The following NUMB variants were observed in gnomAD, a reference collection of about 807,000 sequenced individuals.
NUMB encodes the protein protein numb homolog.
NUMB carries 29 observed loss-of-function variants against 59.7 expected under a neutral mutation model. The ratio of observed to expected loss-of-function variants is 0.49; its 90% CI spans 0.36 to 0.66. The LOEUF is 0.66. Ranked by LOEUF, NUMB falls within the 30% of genes least tolerant of loss-of-function variation. The probability of loss-of-function intolerance (pLI) is 0.00; values close to 1 mark genes in which losing one functional copy is unlikely to be tolerated. For missense variants in NUMB, 723 were observed against 822.0 expected, an observed-to-expected ratio of 0.88 and a Z score of 1.47; for synonymous variants, 288 against 288.2, an observed-to-expected ratio of 1.00 and a Z score of 0.01.
chr14:73,420,792 A>C (rs1296449147), intron 1 of NUMB, among the ~76,000 whole-genome samples: 1 of 152,116 alleles, frequency 6.6e-6, no homozygotes, highest in East Asian at 1.9e-4. Context: ...ATTATTATGG[A>C]AATAGACACT....
chr14:73,443,626 G>A (rs1460616778), intron 1 of NUMB, among the ~76,000 whole-genome samples: 1 of 151,510 alleles, frequency 6.6e-6, no homozygotes, highest in African/African-American at 2.4e-5. Flanking sequence ...GAAAAAACAG[G>A]CTGAGAGGAT....
Position 73,292,890 on chromosome 14 carries a change from C to T in NUMB, c.310-16G>A. 6.2e-7 allele frequency: 1 copy of T among 1,613,374 alleles called. No homozygotes were observed. Among genetic ancestry groups the T allele is most frequent in the Admixed American group, 1.7e-5 (1 of 59,868 alleles). ...CTATGAGGTCCTAGAAAATACGACACACAAAGAAAGAGAAGACTTATGAGG... is the reference window on the plus strand; with the variant it reads ...CTATGAGGTCCTAGAAAATACGACATACAAAGAAAGAGAAGACTTATGAGG... On this transcript the variant is annotated splice_polypyrimidine_tract_variant and intron_variant, in intron 7 of 12. Transcript: ENST00000555238.
At chr14:73,422,936 C>A (rs566645831) in intron 1 of NUMB, among the ~76,000 whole-genome samples, 6 of 150,002 alleles carry the variant, frequency 4.0e-5, no homozygotes, top group Admixed American at 2.0e-4. Flanking sequence ...CTGTTATATT[C>A]CCAGATGTTA....
rs748906347 is a variant in NUMB, at chr14:73,276,909, G to A, written c.1625C>T (p.Ala542Val). 19 of 1,614,022 alleles carry A rather than the reference G, an allele frequency of 1.2e-5. No homozygotes were observed. Among genetic ancestry groups the A allele is most frequent in the Non-Finnish European group, 1.6e-5 (19 of 1,180,020 alleles). ...SQMVANVFGT[A>V]GHPQAAHPHQ... ...GGGATGGGCAGCCTGAGGGTGGCCTGCAGTGCCAAATACGTTGGCCACCAT... is the reference window on the plus strand; with the variant it reads ...GGGATGGGCAGCCTGAGGGTGGCCTACAGTGCCAAATACGTTGGCCACCAT... The change falls in exon 13 of 13, where the codon GCA (alanine) becomes GTA (valine). Residue 542 changes from alanine to valine, a missense_variant. Coordinates refer to ENST00000555238, the MANE Select transcript of NUMB (RefSeq NM_001005743.2).
chr14:73,319,619 T>C (rs1359089912), intron 5 of NUMB, among the ~76,000 whole-genome samples: 1 of 152,186 alleles, frequency 6.6e-6, no homozygotes, highest in African/African-American at 2.4e-5. Context: ...ACAATATAAG[T>C]ATCTGGCAAA....
intron 1 of NUMB, among the ~76,000 whole-genome samples, chr14:73,412,186 T>C (rs1483873829): frequency 6.6e-6 from 1 of 152,092 alleles, no homozygotes; most frequent in Non-Finnish European, 1.5e-5. Context: ...CTCAAACTGC[T>C]GTTTACAGGC....
intron 2 of NUMB, among the ~76,000 whole-genome samples, chr14:73,406,418 A>G (rs1466353989): frequency 6.6e-6 from 1 of 152,096 alleles, no homozygotes; most frequent in Non-Finnish European, 1.5e-5. Flanking sequence ...TACAAAGGAC[A>G]TGAACTCATC....
At chr14:73,342,124 T>C (rs1427835759) in intron 4 of NUMB, among the ~76,000 whole-genome samples, 3 of 152,224 alleles carry the variant, frequency 2.0e-5, no homozygotes, top group Non-Finnish European at 2.9e-5. Context: ...CTCAAACCCC[T>C]GGGCCCAAGT....
rs528605291 is a variant in NUMB at position 73,422,761 on chromosome 14, G to A, written c.-232-12693C>T. On this transcript the variant is annotated intron_variant, in intron 1 of 12. Transcript: ENST00000555238. ...CTGAGCAAGACTCATTTATCACCAA[G>A]GAGATAATGGTAAATCATTCATGAG... 2.6e-5 allele frequency among the ~76,000 whole-genome samples: 4 copies of A among 152,142 alleles called. No homozygotes were observed. In the East Asian group the frequency reaches 7.7e-4, roughly 29 times the overall value.
chr14:73,439,510 C>CTG (rs1461281949), intron 1 of NUMB, among the ~76,000 whole-genome samples: 6 of 151,956 alleles, frequency 3.9e-5, no homozygotes, highest in African/African-American at 1.5e-4. Context: ...CCATTTCTAA[C>CTG]CTTCAGTTAG....
chr14:73,337,970 C>T (rs1019481522), intron 4 of NUMB, among the ~76,000 whole-genome samples: 1 of 152,168 alleles, frequency 6.6e-6, no homozygotes, highest in South Asian at 2.1e-4. Flanking sequence ...GAACTCCACC[C>T]TTCCAATTGC....
intron 7 of NUMB, among the ~76,000 whole-genome samples, chr14:73,294,950 T>TTAAAAAAAAAAAAAA (rs1419411157): frequency 4.1e-5 from 1 of 24,386 alleles, no homozygotes; most frequent in Admixed American, 7.8e-4. Flanking sequence ...AACCCATCTC[T>TTAAAAAAAAAAAAAA]AAAAAAAAAA....
intron 9 of NUMB, 53 bp from the exon 10 acceptor site, chr14:73,284,427 G>T: frequency 6.6e-7 from 1 of 1,504,262 alleles, no homozygotes; most frequent in Non-Finnish European, 9.0e-7. Context: ...AATAATTTGC[G>T]TTTAGAGAGC....
chr14:73,370,685 T>G (rs1442852145), intron 2 of NUMB, among the ~76,000 whole-genome samples: 1 of 149,206 alleles, frequency 6.7e-6, no homozygotes, highest in African/African-American at 2.5e-5. Flanking sequence ...AGAGTGAAAC[T>G]CCGCCTCAAA....
chr14:73,361,014 G>A (rs976320013), intron 3 of NUMB, among the ~76,000 whole-genome samples: 2 of 151,902 alleles, frequency 1.3e-5, no homozygotes, highest in African/African-American at 2.4e-5. Flanking sequence ...TCAGCCTCCC[G>A]AGTAGCTGGA....
chr14:73,412,375 C>T (rs1896935979), intron 1 of NUMB, among the ~76,000 whole-genome samples: 1 of 152,062 alleles, frequency 6.6e-6, no homozygotes, highest in Admixed American at 6.6e-5. Flanking sequence ...CGCTTGTAAT[C>T]CCAGCACTTT....
chr14:73,419,523 A>T (rs1365014266), intron 1 of NUMB, among the ~76,000 whole-genome samples: 1 of 152,146 alleles, frequency 6.6e-6, no homozygotes, highest in Non-Finnish European at 1.5e-5. Flanking sequence ...TAAATAAATA[A>T]ATAAATGAAT....
At chr14:73,305,761 T>C (rs1035003666) in intron 6 of NUMB, among the ~76,000 whole-genome samples, 1 of 152,224 alleles carries the variant, frequency 6.6e-6, no homozygotes, top group African/African-American at 2.4e-5. Context: ...TTCCTTCAGC[T>C]ACAAACCAAA....
rs1893686705 is a variant in NUMB at position 73,354,800 on chromosome 14, C to A, written c.126+826G>T. Among the ~76,000 whole-genome samples, 3 of 114,132 alleles carry A rather than the reference C, an allele frequency of 2.6e-5. No individual in the cohort carries two copies. The South Asian group carries it at 8.2e-4, about 31-fold the overall frequency. 74.9% of individuals were successfully genotyped at this position (114,132 alleles called of 152,430 possible). A position where few individuals can be genotyped will look rare whatever the true frequency, so the allele number is the denominator to read the frequency against. ...TTGAGATCATGCCACTGCACTCCAG[C>A]CTGTGCTATGGAGACAGACTGTGCC... is the stretch of plus-strand genomic sequence containing the variant. On this transcript the variant is annotated intron_variant, in intron 4 of 12. Coordinates refer to ENST00000555238, the MANE Select transcript of NUMB (RefSeq NM_001005743.2).
Sources: allele counts gnomAD v4.1 joint callset (sites outside exome capture counted in the v4.1 genomes callset), GRCh38; gene constraint gnomAD v4.1.1; transcripts MANE v1.5; gene names NCBI Gene and HGNC (gene_info 2026-07-23, HGNC 2026-07-21).